EBF2: variants seen among roughly 807,000 people sequenced by gnomAD.
EBF2 encodes the protein transcription factor COE2.
In EBF2, 21 loss-of-function variants were observed where a neutral mutation model predicts 72.8. The observed-to-expected ratio is 0.29, with a 90% CI of 0.20 to 0.42. EBF2 has a LOEUF of 0.42. EBF2 is among the 10% of genes least tolerant of loss of function. The pLI, the probability that EBF2 is intolerant of heterozygous loss-of-function variation, is 1.00. For missense variants in EBF2, 637 were observed against 731.2 expected, an observed-to-expected ratio of 0.87 and a Z score of 1.49; for synonymous variants, 299 against 274.2, an observed-to-expected ratio of 1.09 and a Z score of -0.89.
At chr8:25,866,633 A>AT (rs1563381520) in intron 10 of EBF2, among the ~76,000 whole-genome samples, 1 of 90,296 alleles carries the variant, frequency 1.1e-5, no homozygotes, top group Non-Finnish European at 2.1e-5. Flanking sequence ...ATATATATAT[A>AT]TATTTTTTTT....
At chr8:25,981,004 G>A (rs1804353558) in intron 6 of EBF2, among the ~76,000 whole-genome samples, 1 of 152,048 alleles carries the variant, frequency 6.6e-6, no homozygotes, top group South Asian at 2.1e-4. Flanking sequence ...CTACCACACA[G>A]TTTTGGTTCC....
intron 6 of EBF2, among the ~76,000 whole-genome samples, chr8:25,935,122 T>G (rs1483586601): frequency 6.6e-6 from 1 of 152,082 alleles, no homozygotes; most frequent in Non-Finnish European, 1.5e-5. Flanking sequence ...TGGATGGTGG[T>G]ACCCAAGGCC....
chr8:26,028,271 A>G (rs1805335267), intron 6 of EBF2, among the ~76,000 whole-genome samples: 2 of 152,202 alleles, frequency 1.3e-5, no homozygotes, highest in Admixed American at 1.3e-4. Flanking sequence ...CTCAAGAAAG[A>G]AAATAAACAA....
At chr8:26,020,691 G>T (rs147010120) in intron 6 of EBF2, among the ~76,000 whole-genome samples, 4 of 152,140 alleles carry the variant, frequency 2.6e-5, no homozygotes, top group Non-Finnish European at 5.9e-5. Context: ...CAGGGGTGGG[G>T]TTAACTTTGC....
intron 6 of EBF2, among the ~76,000 whole-genome samples, chr8:25,910,035 A>G (rs1315965251): frequency 6.6e-6 from 1 of 152,012 alleles, no homozygotes; most frequent in Non-Finnish European, 1.5e-5. Flanking sequence ...TATGGAAGAG[A>G]CCTGCGGAAG....
chr8:25,850,857 G>T (rs779399215), intron 14 of EBF2, 96 bp from the exon 15 acceptor site: 2 of 1,381,208 alleles, frequency 1.4e-6, no homozygotes, highest in Non-Finnish European at 1.9e-6. Flanking sequence ...TAATTTCCAT[G>T]CATTGTTCCA....
intron 6 of EBF2, among the ~76,000 whole-genome samples, chr8:25,982,785 T>C (rs775991501): frequency 2.4e-4 from 37 of 152,118 alleles, no homozygotes; most frequent in Non-Finnish European, 4.3e-4. Flanking sequence ...TTTCACACTA[T>C]AGAACCCACC....
At chr8:26,000,955 G>A (rs1158999401) in intron 6 of EBF2, among the ~76,000 whole-genome samples, 1 of 152,188 alleles carries the variant, frequency 6.6e-6, no homozygotes, top group Non-Finnish European at 1.5e-5. Flanking sequence ...TTAGAGAGTG[G>A]AGGTTGGCGC....
Position 26,044,660 on chromosome 8 carries a change from G to A in EBF2, c.131+69C>T, listed in dbSNP as rs536397868. 2.5e-5 allele frequency: 39 copies of A among 1,562,726 alleles called. 1 individual carries two copies. The South Asian group carries it at 3.9e-4, about 16-fold the overall frequency. On this transcript the variant is annotated intron_variant, in intron 1 of 15. Coordinates refer to ENST00000520164, the MANE Select transcript of EBF2 (RefSeq NM_022659.4). The surrounding 1 kb of genome is among the most constrained non-coding windows in gnomAD (Gnocchi z 4.1). The stretch of plus-strand genomic sequence containing the variant: ...AGAGAAAGGCACGGGGTGCGCGGGG[G>A]GGGTGCACACGGAGAGACAGACCGT...
chr8:25,859,269 G>A (rs1802162264), intron 13 of EBF2, among the ~76,000 whole-genome samples: 1 of 152,232 alleles, frequency 6.6e-6, no homozygotes, highest in African/African-American at 2.4e-5. Context: ...TGCTAGCCTA[G>A]TGTTTGCCAA....
chr8:25,929,917 A>C (rs1489151333), intron 6 of EBF2, among the ~76,000 whole-genome samples: 1 of 152,192 alleles, frequency 6.6e-6, no homozygotes, highest in Non-Finnish European at 1.5e-5. Flanking sequence ...GACCTGGGGA[A>C]GGACAATGGA....
At chr8:25,864,501 A>AAC (rs72239959) in intron 10 of EBF2, among the ~76,000 whole-genome samples, 19,583 of 149,330 alleles carry the variant, frequency 0.13, 1,406 homozygotes, top group African/African-American at 0.18. Flanking sequence ...GATACACACA[A>AAC]ACACACACAC....
intron 6 of EBF2, among the ~76,000 whole-genome samples, chr8:25,924,550 T>A (rs1404219534): frequency 6.6e-6 from 1 of 152,238 alleles, no homozygotes; most frequent in Non-Finnish European, 1.5e-5. Flanking sequence ...AAGGAATCCA[T>A]GTTCTGTATT....
chr8:25,867,758 G>A (rs1245602607), intron 10 of EBF2, among the ~76,000 whole-genome samples: 1 of 152,070 alleles, frequency 6.6e-6, no homozygotes, highest in Non-Finnish European at 1.5e-5. Context: ...CCACTTAGAT[G>A]GTCCATAGAT....
chr8:25,889,704 T>C, intron 8 of EBF2, 48 bp downstream of exon 8: 1 of 1,444,906 alleles, frequency 6.9e-7, no homozygotes, highest in South Asian at 1.1e-5. Context: ...ACAAGGAAAT[T>C]CGTGGAGAAT....
chr8:25,933,959 G>T (rs1312766742), intron 6 of EBF2, among the ~76,000 whole-genome samples: 1 of 151,982 alleles, frequency 6.6e-6, no homozygotes, highest in Non-Finnish European at 1.5e-5. Flanking sequence ...TACATTGTTT[G>T]GGTCAGAAGA....
chr8:25,971,957 G>A (rs115741556), intron 6 of EBF2, among the ~76,000 whole-genome samples: 1,652 of 152,272 alleles, frequency 0.011, 43 homozygotes, highest in African/African-American at 0.037. Context: ...TGGCCAGGGC[G>A]CATTGTTCCC....
At chr8:26,042,602 A>G (rs1028492083) in intron 1 of EBF2, among the ~76,000 whole-genome samples, 1 of 152,178 alleles carries the variant, frequency 6.6e-6, no homozygotes, top group Non-Finnish European at 1.5e-5. Context: ...CCCGCGTCCT[A>G]TACCGTGGGG....
At chr8:26,012,318 C>A (rs894272513) in intron 6 of EBF2, among the ~76,000 whole-genome samples, 1 of 151,610 alleles carries the variant, frequency 6.6e-6, no homozygotes, top group Admixed American at 6.6e-5. Flanking sequence ...TAGGGAACAT[C>A]GAAATAAATG....
Sources: allele counts gnomAD v4.1 joint callset (sites outside exome capture counted in the v4.1 genomes callset), GRCh38; gene constraint gnomAD v4.1.1; non-coding constraint Gnocchi (gnomAD v3.1); transcripts MANE v1.5; gene names NCBI Gene and HGNC (gene_info 2026-07-23, HGNC 2026-07-21).